The following PLK3 variants were observed in gnomAD, a reference collection of about 807,000 sequenced individuals.
The protein encoded by PLK3 is serine/threonine-protein kinase PLK3.
A neutral mutation model predicts 71.6 loss-of-function variants in PLK3; 41 were observed. The observed-to-expected ratio is 0.57, with a 90% confidence interval of 0.45 to 0.74. PLK3 has a LOEUF of 0.74. PLK3 is among the 30% of genes least tolerant of loss of function. The pLI, the probability that PLK3 is intolerant of heterozygous loss-of-function variation, is 0.00. For synonymous variants in PLK3, 366 were observed against 355.4 expected (o/e 1.03, Z -0.33); for missense variants, 791 against 875.6 (o/e 0.90, Z 1.22).
Position 44,804,259 on chromosome 1 carries a change from T to C in PLK3, c.1342+13T>C. 1 of 1,613,144 alleles carries C rather than the reference T, an allele frequency of 6.2e-7. No homozygotes were observed. The highest frequency in any genetic ancestry group is 2.2e-5 in the East Asian group (1 of 44,866). On this transcript the variant is annotated intron_variant, in intron 11 of 14. Transcript: ENST00000372201. Reference sequence around the variant, plus strand: ...TTCATGCCCCCAGGTAAGGGTGGGGTCTGGTACATGCTGCTGTGGTGGGAG... The same window carrying C: ...TTCATGCCCCCAGGTAAGGGTGGGGCCTGGTACATGCTGCTGTGGTGGGAG...
Position 44,800,924 on chromosome 1 carries a change from G to C in PLK3, c.295G>C (p.Ala99Pro). 2 of 1,612,626 alleles carry C rather than the reference G, an allele frequency of 1.2e-6. 1 individual carries two copies. Among genetic ancestry groups the C allele is most frequent in the South Asian group, 2.2e-5 (2 of 91,062 alleles). Residue 99 changes from alanine (A) to proline (P), a missense_variant, in exon 2 of 15, where the codon GCC becomes CCC. Coordinates refer to ENST00000372201, the MANE Select transcript of PLK3 (RefSeq NM_004073.4). This position sits in a 1 kb window ranked among gnomAD's most constrained non-coding sequence, Gnocchi z 6.5. ...AVKVIPQSRV[A>P]KPHQREKILN... ...CAAAGTCATCCCGCAGAGCCGCGTC[G>C]CCAAGCCGCATCAGCGCGAGAAGGT... is the stretch of plus-strand genomic sequence containing the variant.
intron 5 of PLK3, among the ~76,000 whole-genome samples, chr1:44,802,362 C>T (rs1177550051): frequency 2.0e-5 from 3 of 151,966 alleles, no homozygotes; most frequent in South Asian, 2.1e-4. Context: ...ACACAGATAG[C>T]GTATGTGGCA....
In PLK3 at chr1:44,802,949, C is replaced by CT. The variant is rs1315159208; in HGVS notation, c.750-5dup. 1 of 1,613,848 alleles carries CT rather than the reference C, an allele frequency of 6.2e-7. No individual in the cohort carries two copies. Among genetic ancestry groups the CT allele is most frequent in the Non-Finnish European group, 8.5e-7 (1 of 1,179,896 alleles). The stretch of plus-strand genomic sequence containing the variant: ...TTACTCCTGACCCCTTGGCCCTGCC[C>CT]TATAGGTACACGCTGCTCTGCGGGA... On this transcript the variant is annotated splice_polypyrimidine_tract_variant and splice_region_variant and intron_variant, in intron 6 of 14. Coordinates refer to ENST00000372201, the MANE Select transcript of PLK3 (RefSeq NM_004073.4).
In PLK3 at chr1:44,804,784, GAGGGCT is replaced by G. The variant is rs745889085; in HGVS notation, c.1635+6_1635+11del. 3.1e-6 allele frequency: 5 copies of G among 1,613,630 alleles called. No homozygotes were observed. In the African/African-American group the frequency reaches 6.7e-5, roughly 22 times the overall value. On this transcript the variant is annotated splice_donor_region_variant and intron_variant, in intron 13 of 14. Transcript: ENST00000372201. ...ATGGAGCAGCACCTCATGAAGGTGTGAGGGCTGGGGCTGTGGTACATTGAAACCTAA... is the reference window on the plus strand; with the variant it reads ...ATGGAGCAGCACCTCATGAAGGTGTGGGGGCTGTGGTACATTGAAACCTAA...
In PLK3 at chr1:44,802,851, G is replaced by A. The variant is rs138624511; in HGVS notation, c.745G>A (p.Val249Ile). 6 of 1,613,364 alleles carry A rather than the reference G, an allele frequency of 3.7e-6. No homozygotes were observed. In the African/African-American group the frequency reaches 8.0e-5, roughly 22 times the overall value. ...PEADVWSLGC[V>I]MYTLLCGSPP... The stretch of plus-strand genomic sequence containing the variant: ...GGCGGATGTATGGTCACTGGGCTGT[G>A]TCATGTGAGTTGCAGGGTCCAGGTT... The change falls in exon 6 of 15, where the codon GTC becomes ATC. Residue 249 changes from valine (V) to isoleucine (I), a missense_variant. By Grantham distance (29) the Val-to-Ile change is conservative. Coordinates refer to ENST00000372201, the MANE Select transcript of PLK3 (RefSeq NM_004073.4).
In PLK3 at chr1:44,801,636, C is replaced by G. The variant is rs766738837; in HGVS notation, c.450C>G (p.Ile150Met). The G allele has an allele frequency of 1.2e-6, 2 of 1,613,454 alleles. No homozygotes were observed. ...GCTCTCTGCAGTCCCTGGCCCACAT[C>G]TGGAAGGCCCGGCACACCCTGTTGG... ...ELCSRKSLAH[I>M]WKARHTLLEP... Residue 150 changes from isoleucine (I) to methionine (M), a missense_variant, in exon 4 of 15, where the codon ATC becomes ATG. Physicochemically the swap from Ile to Met is conservative, Grantham distance 10 (BLOSUM62 1). Transcript: ENST00000372201.
At position 44,805,792 on chromosome 1, in the gene PLK3, A is replaced by G; in HGVS notation, c.*114A>G. ...GGGCTTTGGGCCGAATCCCCCAGGG[A>G]ATCAGGGACCAGCTTTACTGGAGTT... On this transcript the variant is annotated 3_prime_UTR_variant, in exon 15 of 15. Transcript: ENST00000372201. 7.6e-7 allele frequency: 1 copy of G among 1,324,478 alleles called. No individual in the cohort carries two copies. Among genetic ancestry groups the G allele is most frequent in the Non-Finnish European group, 1.0e-6 (1 of 981,088 alleles). 82.0% of individuals were successfully genotyped at this position (1,324,478 alleles called of 1,614,324 possible).
At chr1:44,805,141 C>T (rs1368342934) in intron 13 of PLK3, 125 bp from the exon 14 acceptor site, 4 of 696,516 alleles carry the variant, frequency 5.7e-6, no homozygotes, top group South Asian at 3.2e-5. Flanking sequence ...ACTAACCCAT[C>T]CTGATCCCTC....
chr1:44,803,295 A>G lies in PLK3; in HGVS notation c.976A>G (p.Ser326Gly). Reference sequence around the variant, plus strand: ...CTACACCCCCGATCGACTCCCTATCAGCAGCTGCGTGACAGTCCCAGACCT... The same window carrying G: ...CTACACCCCCGATCGACTCCCTATCGGCAGCTGCGTGACAGTCCCAGACCT... ...KGYTPDRLPI[S>G]SCVTVPDLTP... Residue 326 changes from serine to glycine, a missense_variant, in exon 8 of 15, where the codon AGC (serine) becomes GGC (glycine). Transcript: ENST00000372201. This position sits in a 1 kb window ranked among gnomAD's most constrained non-coding sequence, Gnocchi z 4.3. 2 of 1,614,082 alleles carry G rather than the reference A, an allele frequency of 1.2e-6. No individual in the cohort carries two copies. The highest frequency in any genetic ancestry group is 1.7e-6 in the Non-Finnish European group (2 of 1,179,998).
In PLK3 at chr1:44,800,765, A is replaced by T; in HGVS notation, c.211-75A>T. On this transcript the variant is annotated intron_variant, in intron 1 of 14. Transcript: ENST00000372201. The surrounding 1 kb of genome is among the most constrained non-coding windows in gnomAD (Gnocchi z 6.5). Reference sequence around the variant, plus strand: ...GCGCCGAGCAGGGCGTGGGCACTTGACCCCCAACGCGGGGACGCCCGCGGG... The same window carrying T: ...GCGCCGAGCAGGGCGTGGGCACTTGTCCCCCAACGCGGGGACGCCCGCGGG... 1.3e-6 allele frequency: 2 copies of T among 1,544,196 alleles called. No homozygotes were observed. The highest frequency in any genetic ancestry group is 3.9e-5 in the Admixed American group (2 of 51,042).
At chr1:44,804,815 A>G in intron 13 of PLK3, 36 bp downstream of exon 13, 1 of 1,606,644 alleles carries the variant, frequency 6.2e-7, no homozygotes, top group South Asian at 1.1e-5. Context: ...TTGAAACCTA[A>G]CCCATCCTGG....
Position 44,805,778 on chromosome 1 carries a change from C to T in PLK3, c.*100C>T, listed in dbSNP as rs1479331900. 35 of 1,376,186 alleles carry T rather than the reference C, an allele frequency of 2.5e-5. No individual in the cohort carries two copies. Among genetic ancestry groups the T allele is most frequent in the Non-Finnish European group, 3.3e-5 (34 of 1,017,838 alleles). 85.2% of individuals were successfully genotyped at this position (1,376,186 alleles called of 1,614,324 possible). A position where few individuals can be genotyped will look rare whatever the true frequency, so the allele number is the denominator to read the frequency against. On this transcript the variant is annotated 3_prime_UTR_variant, in exon 15 of 15. Coordinates refer to ENST00000372201, the MANE Select transcript of PLK3 (RefSeq NM_004073.4). ...TGGTGCCTCACTGGGGGCTTTGGGC[C>T]GAATCCCCCAGGGAATCAGGGACCA...
chr1:44,802,186 T>C (rs1455356175), intron 5 of PLK3, among the ~76,000 whole-genome samples: 1 of 151,458 alleles, frequency 6.6e-6, no homozygotes, highest in Non-Finnish European at 1.5e-5. Flanking sequence ...CAGATGGGGG[T>C]ATACAGATTC....
rs757718843 is a variant in PLK3, at chr1:44,801,000, C to G, written c.319-36C>G. On this transcript the variant is annotated intron_variant, in intron 2 of 14. Coordinates refer to ENST00000372201, the MANE Select transcript of PLK3 (RefSeq NM_004073.4). The surrounding 1 kb of genome is among the most constrained non-coding windows in gnomAD (Gnocchi z 6.5). ...TGGGGTGGGGACGGTGGCATGGGAA[C>G]CATGGAAGGATGACGACTCCGCGCC... is the stretch of plus-strand genomic sequence containing the variant. 4 of 1,607,102 alleles carry G rather than the reference C, an allele frequency of 2.5e-6. No homozygotes were observed. Among genetic ancestry groups the G allele is most frequent in the Non-Finnish European group, 3.4e-6 (4 of 1,174,276 alleles).
At chr1:44,804,937 C>G (rs1225527328) in intron 13 of PLK3, 158 bp downstream of exon 13, 7 of 686,906 alleles carry the variant, frequency 1.0e-5, no homozygotes, top group Admixed American at 8.5e-5. Flanking sequence ...AACCCCGTCT[C>G]TACTAAAAAT....
chr1:44,805,118 TAAAG>T (rs34617431), intron 13 of PLK3, 144 bp from the exon 14 acceptor site: 621 of 602,742 alleles, frequency 1.0e-3, no homozygotes, highest in Non-Finnish European at 1.3e-3. Context: ...AAAAAAAAAA[TAAAG>T]AAAAGAAAAC....
In PLK3 at chr1:44,803,664, C is replaced by T. The variant is rs762838075; in HGVS notation, c.1137C>T (p.Ser379=). 1.2e-5 allele frequency: 19 copies of T among 1,613,328 alleles called. No individual in the cohort carries two copies. Among genetic ancestry groups the T allele is most frequent in the Middle Eastern group, 1.6e-4 (1 of 6,084 alleles). ...SGLVSGLMRT[S]VGHQDARPEA... is the part of the protein sequence containing the mutation. ...TGGTGAGCGGCCTCATGCGCACATC[C>T]GTTGGCCATCAGGATGCCAGGCCAG... Residue 379 remains serine (S), a synonymous_variant, in exon 9 of 15, where the codon TCC becomes TCT. Coordinates refer to ENST00000372201, the MANE Select transcript of PLK3 (RefSeq NM_004073.4). This position sits in a 1 kb window ranked among gnomAD's most constrained non-coding sequence, Gnocchi z 4.3.
intron 5 of PLK3, 128 bp from the exon 6 acceptor site, chr1:44,802,632 G>A (rs1408694987): frequency 3.7e-5 from 26 of 706,200 alleles, no homozygotes; most frequent in Non-Finnish European, 6.1e-5. Context: ...CATTGTCCCA[G>A]GACAAGCAGG....
rs1651844979 is a variant in PLK3, at chr1:44,801,905, G to A, written c.626G>A (p.Arg209Gln). Reference protein sequence around the residue: ...LKVGDFGLAARLEPPEQRKKT... With the variant: ...LKVGDFGLAAQLEPPEQRKKT... ...GTGGGGGATTTTGGGCTGGCAGCCC[G>A]GTTGGAGCCTCCGGAGCAGAGGAAG... is the stretch of plus-strand genomic sequence containing the variant. The change falls in exon 5 of 15, where the codon CGG (arginine) becomes CAG (glutamine). Residue 209 changes from arginine (R) to glutamine (Q), a missense_variant. Arg to Gln is a conservative substitution (Grantham distance 43, BLOSUM62 1). Transcript: ENST00000372201. 9 of 1,613,750 alleles carry A rather than the reference G, an allele frequency of 5.6e-6. No individual in the cohort carries two copies. The highest frequency in any genetic ancestry group is 2.2e-5 in the East Asian group (1 of 44,886).
Sources: allele counts gnomAD v4.1 joint callset (sites outside exome capture counted in the v4.1 genomes callset), GRCh38; gene constraint gnomAD v4.1.1; non-coding constraint Gnocchi (gnomAD v3.1); transcripts MANE v1.5; gene names NCBI Gene and HGNC (gene_info 2026-07-23, HGNC 2026-07-21).